Variants in SPATA22 observed in about 807,000 individuals in gnomAD.
The protein encoded by SPATA22 is spermatogenesis associated 22, also known as spermatogenesis-associated protein 22.
Under a neutral mutation model 47.8 loss-of-function variants are expected in SPATA22, and 29 were observed. That is an observed-to-expected ratio of 0.61 (90% confidence interval 0.45 to 0.83). SPATA22 has a LOEUF of 0.83. SPATA22 is among the 40% of genes least tolerant of loss of function. The pLI, the probability that SPATA22 is intolerant of heterozygous loss-of-function variation, is 0.00. For synonymous variants in SPATA22, 133 were observed against 140.9 expected (o/e 0.94, Z 0.40); for missense variants, 410 against 421.7 (o/e 0.97, Z 0.24).
intron 1 of SPATA22, among the ~76,000 whole-genome samples, chr17:3,505,546 A>G (rs2074032616): frequency 6.6e-6 from 1 of 152,076 alleles, no homozygotes; most frequent in Non-Finnish European, 1.5e-5. Context: ...GTGCTCCAAT[A>G]GGAGGAGCAA....
upstream of SPATA22, chr17:3,475,504 G>A (rs1567608198): frequency 6.6e-6 from 1 of 152,392 alleles, no homozygotes; most frequent in Non-Finnish European, 1.5e-5. Flanking sequence ...TTTCAGGGTA[G>A]CTTTTCGAGT....
chr17:3,472,770 G>A (rs1388717022), upstream of SPATA22, among the ~76,000 whole-genome samples: 2 of 152,150 alleles, frequency 1.3e-5, no homozygotes, highest in Non-Finnish European at 2.9e-5. Context: ...TAAAGGCCTA[G>A]GCCTATAAGA....
chr17:3,482,021 CAATT>C lies in SPATA22; in HGVS notation c.-73-12627_-73-12624del, dbSNP rs1301357490. On this transcript the variant is annotated intron_variant, in intron 1 of 8. Transcript: ENST00000541913. The stretch of plus-strand genomic sequence containing the variant: ...GAGGAAATAAGTAAAATAATAAACA[CAATT>C]AATAAAGTAATAAAACACTTGTGGA... 2.0e-5 allele frequency among the ~76,000 whole-genome samples: 3 copies of C among 151,962 alleles called. No homozygotes were observed. The East Asian group carries it at 5.8e-4, about 29-fold the overall frequency.
chr17:3,471,325 T>C, intron 1 of SPATA22: 1 of 694,082 alleles, frequency 1.4e-6, no homozygotes, highest in Non-Finnish European at 1.8e-6. Context: ...ACGAGGGCTA[T>C]TATGTTTCTC....
At chr17:3,441,213 CCAT>C (rs1463130664) in intron 8 of SPATA22, 2 of 151,860 alleles carry the variant, frequency 1.3e-5, no homozygotes, top group Non-Finnish European at 2.9e-5. Flanking sequence ...TTATCAAAAG[CCAT>C]CATCAAGTGG....
intron 1 of SPATA22, among the ~76,000 whole-genome samples, chr17:3,487,140 A>G (rs948958165): frequency 6.6e-6 from 1 of 152,102 alleles, no homozygotes; most frequent in African/African-American, 2.4e-5. Flanking sequence ...GTTTGCCTAG[A>G]ATGATCCTGT....
intron 8 of SPATA22, 41 bp from the exon 9 acceptor site, chr17:3,440,379 TC>T (rs1390142681): frequency 6.9e-7 from 1 of 1,456,902 alleles, no homozygotes; most frequent in South Asian, 1.4e-5. Flanking sequence ...AGTTATTACT[TC>T]ATCTGAATTT....
chr17:3,464,671 G>A (rs1231086568), intron 3 of SPATA22, among the ~76,000 whole-genome samples: 7 of 111,328 alleles, frequency 6.3e-5, no homozygotes, highest in East Asian at 3.0e-4. Flanking sequence ...GCCCGGCCGC[G>A]ACCCCGTCTG....
At chr17:3,441,500 C>A (rs1052936535) in intron 8 of SPATA22, 1 of 151,994 alleles carries the variant, frequency 6.6e-6, no homozygotes, top group Admixed American at 6.6e-5. Flanking sequence ...AAAAGATCGA[C>A]AATACTAAGC....
At chr17:3,512,097 A>C (rs2074120439) in intron 1 of SPATA22, 1 of 152,238 alleles carries the variant, frequency 6.6e-6, no homozygotes, top group Non-Finnish European at 1.5e-5. Context: ...CTGCTTAAAC[A>C]TCTCCAACAT....
upstream of SPATA22, chr17:3,475,870 T>C: frequency 2.3e-6 from 1 of 429,144 alleles, no homozygotes; most frequent in South Asian, 2.6e-5. Flanking sequence ...TGTATTTAGA[T>C]CTACTGACCA....
In SPATA22 at chr17:3,448,924, G is replaced by T; in HGVS notation, c.555C>A (p.Gly185=). ...TTTTGTCTAGCCCTCTCATTGTGCA[G>T]CCAGATATTTTTGATGAATGTGTTT... ...LRQTHSSKIS[G]CTMRGLDKNS... is the part of the protein sequence containing the mutation. Residue 185 remains glycine (G), a synonymous_variant, in exon 6 of 9, where the codon GGC becomes GGA. Coordinates refer to ENST00000572969, the MANE Select transcript of SPATA22 (RefSeq NM_001170698.2). The T allele has an allele frequency of 6.2e-7, 1 of 1,614,038 alleles. No individual in the cohort carries two copies. Among genetic ancestry groups the T allele is most frequent in the Non-Finnish European group, 8.5e-7 (1 of 1,179,976 alleles).
intron 5 of SPATA22, among the ~76,000 whole-genome samples, chr17:3,452,931 C>A (rs1214285775): frequency 6.6e-6 from 1 of 152,188 alleles, no homozygotes; most frequent in African/African-American, 2.4e-5. Flanking sequence ...GATGACTTCA[C>A]AGTGAATTCT....
chr17:3,477,554 G>A (rs890562820), intron 1 of SPATA22, among the ~76,000 whole-genome samples: 9 of 152,082 alleles, frequency 5.9e-5, no homozygotes, highest in African/African-American at 1.9e-4. Context: ...CCGGGTTAAA[G>A]TGATTCTCCT....
At chr17:3,463,486 TATAAA>T (rs2073177332) in intron 3 of SPATA22, among the ~76,000 whole-genome samples, 1 of 152,118 alleles carries the variant, frequency 6.6e-6, no homozygotes, top group Non-Finnish European at 1.5e-5. Flanking sequence ...AAAAATATAA[TATAAA>T]AGATAAAAAC....
intron 5 of SPATA22, among the ~76,000 whole-genome samples, chr17:3,458,654 C>A (rs8074604): frequency 0.23 from 35,442 of 151,396 alleles, 4,397 homozygotes; most frequent in East Asian, 0.43. Context: ...ACCAGCCTGG[C>A]CAACATGGTG....
upstream of SPATA22, among the ~76,000 whole-genome samples, chr17:3,473,347 C>T (rs867622150): frequency 3.3e-5 from 5 of 152,236 alleles, no homozygotes; most frequent in South Asian, 1.0e-3. Flanking sequence ...TATGAGACAT[C>T]TTATGTATAA....
chr17:3,450,122 G>A (rs1164828003), intron 5 of SPATA22, among the ~76,000 whole-genome samples: 1 of 152,086 alleles, frequency 6.6e-6, no homozygotes, highest in African/African-American at 2.4e-5. Flanking sequence ...CAAAGTGCTG[G>A]GGCTAGAGGC....
intron 5 of SPATA22, among the ~76,000 whole-genome samples, chr17:3,458,522 T>C (rs910007414): frequency 6.6e-6 from 1 of 152,124 alleles, no homozygotes; most frequent in Non-Finnish European, 1.5e-5. Context: ...ATATCTGCAT[T>C]TCCAGATTCA....
Sources: allele counts gnomAD v4.1 joint callset (sites outside exome capture counted in the v4.1 genomes callset), GRCh38; gene constraint gnomAD v4.1.1; transcripts MANE v1.5; gene names NCBI Gene and HGNC (gene_info 2026-07-23, HGNC 2026-07-21).